The following RABGAP1L variants were observed in gnomAD, a reference collection of about 807,000 sequenced individuals.
The protein encoded by RABGAP1L is RAB GTPase activating protein 1 like.
In RABGAP1L, 63 loss-of-function variants were observed where a neutral mutation model predicts 137.7. The observed-to-expected ratio is 0.46, with a 90% CI of 0.37 to 0.56. The LOEUF is 0.56. RABGAP1L is among the 20% of genes least tolerant of loss of function. The probability of loss-of-function intolerance (pLI) is 0.00; values close to 1 mark genes in which losing one functional copy is unlikely to be tolerated. For synonymous variants in RABGAP1L, 431 were observed against 433.7 expected, an observed-to-expected ratio of 0.99 and a Z score of 0.08; for missense variants, 1,095 against 1,244.0, an observed-to-expected ratio of 0.88 and a Z score of 1.80.
chr1:174,305,353 G>C (rs1279795443), intron 11 of RABGAP1L, among the ~76,000 whole-genome samples: 3 of 152,004 alleles, frequency 2.0e-5, no homozygotes, highest in African/African-American at 7.2e-5. Flanking sequence ...AGCATCACTT[G>C]GCTGCTGTTG....
chr1:174,494,541 A>T (rs550914831), intron 13 of RABGAP1L, among the ~76,000 whole-genome samples: 12 of 152,314 alleles, frequency 7.9e-5, no homozygotes, highest in South Asian at 6.2e-4. Flanking sequence ...TCAGAGTCTT[A>T]ATCATTAATT....
At chr1:174,850,010 C>A (rs777467466) in intron 19 of RABGAP1L, 63 of 661,906 alleles carry the variant, frequency 9.5e-5, no homozygotes, top group Non-Finnish European at 1.5e-4. Flanking sequence ...TATGAGCAAT[C>A]TCTCCCTTAA....
chr1:174,862,913 T>A (rs76614820), intron 19 of RABGAP1L, among the ~76,000 whole-genome samples: 2 of 151,926 alleles, frequency 1.3e-5, no homozygotes, highest in East Asian at 1.9e-4. Context: ...CTTTTTTTTT[T>A]AAATGGAGTC....
intron 3 of RABGAP1L, among the ~76,000 whole-genome samples, chr1:174,223,236 C>A (rs1234309582): frequency 2.3e-5 from 3 of 132,104 alleles, no homozygotes; most frequent in Non-Finnish European, 4.7e-5. Context: ...CCATTGCACT[C>A]CAGCCTGCGT....
chr1:174,359,562 T>C (rs2148958487), intron 11 of RABGAP1L, among the ~76,000 whole-genome samples: 1 of 152,350 alleles, frequency 6.6e-6, no homozygotes, highest in Non-Finnish European at 1.5e-5. Context: ...TGCGCCTAGC[T>C]TTTCTATTTT....
intron 19 of RABGAP1L, among the ~76,000 whole-genome samples, chr1:174,819,212 A>AG (rs1405989657): frequency 2.0e-5 from 3 of 150,706 alleles, no homozygotes; most frequent in Non-Finnish European, 3.0e-5. Context: ...AAAAAAAAAA[A>AG]AGAGATAGTC....
chr1:174,928,028 G>A (rs1441349973), intron 19 of RABGAP1L, among the ~76,000 whole-genome samples: 9 of 152,132 alleles, frequency 5.9e-5, no homozygotes, highest in Admixed American at 5.9e-4. Flanking sequence ...CTAATCTGTA[G>A]CCTTCACAAA....
chr1:174,674,908 G>A (rs1289806527), intron 14 of RABGAP1L, among the ~76,000 whole-genome samples: 6 of 152,136 alleles, frequency 3.9e-5, no homozygotes, highest in African/African-American at 1.2e-4. Flanking sequence ...GTCTGTTCAT[G>A]TCCTTCACCC....
intron 13 of RABGAP1L, among the ~76,000 whole-genome samples, chr1:174,424,370 T>G (rs1031792847): frequency 1.3e-5 from 2 of 152,140 alleles, no homozygotes; most frequent in African/African-American, 2.4e-5. Context: ...TGTTCAAAAT[T>G]AGTGAAATGC....
At position 174,192,323 on chromosome 1, in the gene RABGAP1L, T is replaced by G. The variant is rs560050637; in HGVS notation, c.-33-26802T>G. Among the ~76,000 whole-genome samples the G allele has an allele frequency of 5.8e-4, 86 of 149,390 alleles. 2 individuals are homozygous for G. The East Asian group carries it at 0.015, about 26-fold the overall frequency. On this transcript the variant is annotated intron_variant, in intron 1 of 25. Coordinates refer to ENST00000681986, the MANE Select transcript of RABGAP1L (RefSeq NM_001366446.1). Reference sequence around the variant, plus strand: ...CTTATCCACCTGTCTGAGGTGTTTTTTTTTTTTTTTTTTTTGGAGATGGAG... The same window carrying G: ...CTTATCCACCTGTCTGAGGTGTTTTGTTTTTTTTTTTTTTTGGAGATGGAG...
intron 13 of RABGAP1L, among the ~76,000 whole-genome samples, chr1:174,584,138 G>A (rs10489263): frequency 6.6e-6 from 1 of 152,068 alleles, no homozygotes; most frequent in Non-Finnish European, 1.5e-5. Flanking sequence ...GATAGCCTAA[G>A]CCTTTATGCA....
At chr1:174,650,841 G>C (rs332803) in intron 14 of RABGAP1L, among the ~76,000 whole-genome samples, 40,254 of 126,508 alleles carry the variant, frequency 0.32, 8,417 homozygotes, top group African/African-American at 0.64. Flanking sequence ...TCCTTCAGTT[G>C]TGCTCTGATT....
chr1:174,418,792 A>G (rs1400307816), intron 13 of RABGAP1L, among the ~76,000 whole-genome samples: 1 of 152,134 alleles, frequency 6.6e-6, no homozygotes, highest in African/African-American at 2.4e-5. Flanking sequence ...TAATCCCAGC[A>G]CTTTGGGAGG....
intron 13 of RABGAP1L, among the ~76,000 whole-genome samples, chr1:174,503,371 T>C (rs1296770425): frequency 6.6e-6 from 1 of 152,034 alleles, no homozygotes; most frequent in East Asian, 1.9e-4. Context: ...TTTAGAAATA[T>C]ACATGTAAGG....
chr1:174,616,086 T>C (rs1027033018), intron 13 of RABGAP1L, among the ~76,000 whole-genome samples: 1 of 152,212 alleles, frequency 6.6e-6, no homozygotes, highest in African/African-American at 2.4e-5. Context: ...CTGCACCCAC[T>C]GTCCTGTGCC....
At chr1:174,737,136 A>T (rs554728004) in intron 17 of RABGAP1L, among the ~76,000 whole-genome samples, 1 of 152,296 alleles carries the variant, frequency 6.6e-6, no homozygotes, top group African/African-American at 2.4e-5. Context: ...GCTCTGCCAC[A>T]TGATTAGACT....
intron 14 of RABGAP1L, among the ~76,000 whole-genome samples, 164 bp from the exon 15 acceptor site, chr1:174,683,358 G>T (rs1678228744): frequency 6.6e-6 from 1 of 152,012 alleles, no homozygotes; most frequent in Non-Finnish European, 1.5e-5. Flanking sequence ...CAGCCTCTTT[G>T]GGGATCTCAC....
chr1:174,246,596 A>G (rs1672285267), intron 5 of RABGAP1L, among the ~76,000 whole-genome samples: 1 of 152,212 alleles, frequency 6.6e-6, no homozygotes, highest in Admixed American at 6.5e-5. Context: ...CAGTATAAAA[A>G]CCATTCACAT....
intron 4 of RABGAP1L, among the ~76,000 whole-genome samples, chr1:174,233,013 C>G (rs1558054073): frequency 6.6e-6 from 1 of 152,038 alleles, no homozygotes; most frequent in Non-Finnish European, 1.5e-5. Flanking sequence ...GTTGGGAGTT[C>G]CTAGATCAAA....
Sources: gnomAD v4.1 joint callset for allele counts (sites outside exome capture counted in the v4.1 genomes callset) on GRCh38, gnomAD v4.1.1 for gene constraint, MANE v1.5 for transcripts, NCBI Gene and HGNC (gene_info 2026-07-23, HGNC 2026-07-21) for gene names.